Variants in WDR7 observed in about 807,000 individuals in gnomAD.
The protein encoded by WDR7 is WD repeat-containing protein 7.
In WDR7, 46 loss-of-function variants were observed where a neutral mutation model predicts 169.4. The ratio of observed to expected loss-of-function variants is 0.27; its 90% CI spans 0.21 to 0.35. WDR7 has a LOEUF of 0.35. Ranked by LOEUF, WDR7 falls within the 10% of genes least tolerant of loss-of-function variation. The pLI is 1.00. For synonymous variants in WDR7, 612 were observed against 666.8 expected, an observed-to-expected ratio of 0.92 and a Z score of 1.27; for missense variants, 1,534 against 1,859.3, an observed-to-expected ratio of 0.83 and a Z score of 3.22.
At chr18:56,813,156 T>A (rs1453539757) in intron 19 of WDR7, among the ~76,000 whole-genome samples, 5 of 150,030 alleles carry the variant, frequency 3.3e-5, no homozygotes, top group South Asian at 2.1e-4. Flanking sequence ...AATGTGCACA[T>A]GTACCCTAAA....
chr18:56,700,437 A>G (rs1332846284), intron 12 of WDR7, among the ~76,000 whole-genome samples: 6 of 150,740 alleles, frequency 4.0e-5, no homozygotes, highest in African/African-American at 1.5e-4. Flanking sequence ...TTGTATTTTT[A>G]GTAGAGACAG....
At chr18:56,969,874 C>T (rs1164344031) in intron 26 of WDR7, among the ~76,000 whole-genome samples, 2 of 152,034 alleles carry the variant, frequency 1.3e-5, no homozygotes, top group African/African-American at 2.4e-5. Flanking sequence ...CTATTTATTT[C>T]GTCTTTCTTA....
intron 4 of WDR7, 65 bp from the exon 5 acceptor site, chr18:56,682,614 T>C (rs957756115): frequency 6.5e-7 from 1 of 1,531,780 alleles, no homozygotes; most frequent in Admixed American, 2.0e-5. Context: ...TGAATGCATA[T>C]TAATCAAGTA....
intron 19 of WDR7, among the ~76,000 whole-genome samples, chr18:56,793,400 C>T (rs968488853): frequency 3.3e-5 from 5 of 152,132 alleles, no homozygotes; most frequent in East Asian, 1.9e-4. Flanking sequence ...AATTGCCTGT[C>T]GTTGGATGAA....
At chr18:56,840,371 A>G (rs1384451844) in intron 20 of WDR7, among the ~76,000 whole-genome samples, 1 of 152,348 alleles carries the variant, frequency 6.6e-6, no homozygotes, top group East Asian at 1.9e-4. Context: ...CGTAAAAATC[A>G]GAGGCACTGA....
intron 1 of WDR7, among the ~76,000 whole-genome samples, chr18:56,654,927 A>G (rs2024734461): frequency 6.6e-6 from 1 of 152,086 alleles, no homozygotes; most frequent in African/African-American, 2.4e-5. Flanking sequence ...TCCCATAGAT[A>G]TGGTGTCACA....
chr18:56,962,493 A>G lies in WDR7; in HGVS notation c.4128A>G (p.Ser1376=), dbSNP rs749270747. ...HRIAVGARHG[S]VALYDIRTGK... is the part of the protein sequence containing the mutation. ...TAGCAGTTGGAGCTCGCCATGGTTC[A>G]GTGGCCCTGTACGACATCCGGACTG... Residue 1376 remains serine, a synonymous_variant, in exon 26 of 28, where the codon TCA becomes TCG. Transcript: ENST00000254442. The G allele has an allele frequency of 6.2e-7, 1 of 1,613,068 alleles. No homozygotes were observed. The highest frequency in any genetic ancestry group is 1.1e-5 in the South Asian group (1 of 91,026).
At chr18:56,726,135 G>C (rs139351631) in intron 13 of WDR7, among the ~76,000 whole-genome samples, 4,830 of 152,224 alleles carry the variant, frequency 0.032, 118 homozygotes, top group Middle Eastern at 0.092. Flanking sequence ...GGCAATGCAG[G>C]CTCTTTTTTG....
chr18:57,033,470 A>C (rs2048452600), downstream of WDR7: 1 of 152,248 alleles, frequency 6.6e-6, no homozygotes, highest in East Asian at 1.9e-4. Flanking sequence ...AATAACAGAA[A>C]ACCAGACTCC....
At chr18:57,013,305 C>G (rs928323147) in intron 26 of WDR7, among the ~76,000 whole-genome samples, 1 of 152,198 alleles carries the variant, frequency 6.6e-6, no homozygotes, top group Non-Finnish European at 1.5e-5. Flanking sequence ...TGGTTCTTAA[C>G]AGGCCATGGA....
intron 26 of WDR7, among the ~76,000 whole-genome samples, chr18:56,965,515 G>T (rs140824625): frequency 6.6e-6 from 1 of 151,632 alleles, no homozygotes; most frequent in East Asian, 1.9e-4. Context: ...GATAAGTATG[G>T]CATGTTGGCC....
At chr18:56,841,054 T>A (rs541054200) in intron 20 of WDR7, among the ~76,000 whole-genome samples, 106 of 151,068 alleles carry the variant, frequency 7.0e-4, no homozygotes, top group African/African-American at 2.5e-3. Flanking sequence ...TTAGCTAGGC[T>A]TGGTGGTGGG....
chr18:56,932,962 C>T (rs2046909996), intron 22 of WDR7, among the ~76,000 whole-genome samples: 1 of 151,778 alleles, frequency 6.6e-6, no homozygotes, highest in Admixed American at 6.6e-5. Flanking sequence ...TGAAAAGAAC[C>T]GGAGAAGGGA....
At chr18:56,780,459 A>C (rs998891340) in intron 18 of WDR7, among the ~76,000 whole-genome samples, 7 of 152,202 alleles carry the variant, frequency 4.6e-5, no homozygotes, top group African/African-American at 1.7e-4. Context: ...GAAGTCACTT[A>C]TACTTAAAAG....
chr18:56,792,821 G>A (rs778526870), intron 19 of WDR7, among the ~76,000 whole-genome samples: 5 of 151,248 alleles, frequency 3.3e-5, no homozygotes, highest in African/African-American at 4.9e-5. Context: ...CCTACACTAT[G>A]ACACAGGGCA....
intron 13 of WDR7, among the ~76,000 whole-genome samples, chr18:56,722,071 T>A (rs978469910): frequency 6.6e-6 from 1 of 152,220 alleles, no homozygotes. Flanking sequence ...GTCATCTTTT[T>A]GAACTTAAGT....
chr18:57,016,692 A>G (rs1329758574), intron 26 of WDR7, among the ~76,000 whole-genome samples: 1 of 152,196 alleles, frequency 6.6e-6, no homozygotes, highest in Non-Finnish European at 1.5e-5. Context: ...GAGCACATTG[A>G]AAATGTGTGT....
intron 20 of WDR7, among the ~76,000 whole-genome samples, chr18:56,825,141 C>T (rs1326468884): frequency 2.0e-5 from 3 of 152,158 alleles, no homozygotes; most frequent in Admixed American, 6.5e-5. Context: ...TGTGCCTCCT[C>T]GTTTCTAGGA....
intron 6 of WDR7, 41 bp downstream of exon 6, chr18:56,686,073 C>G: frequency 6.6e-7 from 1 of 1,513,942 alleles, no homozygotes; most frequent in Non-Finnish European, 8.9e-7. Context: ...TGTTTTTATT[C>G]TCTGTAGCTC....
Sources: allele counts gnomAD v4.1 joint callset (sites outside exome capture counted in the v4.1 genomes callset), GRCh38; gene constraint gnomAD v4.1.1; transcripts MANE v1.5; gene names NCBI Gene and HGNC (gene_info 2026-07-23, HGNC 2026-07-21).